The following ANKRD55 variants were observed in gnomAD, a reference collection of about 807,000 sequenced individuals.
The protein encoded by ANKRD55 is ankyrin repeat domain-containing protein 55.
A neutral mutation model predicts 60.6 loss-of-function variants in ANKRD55; 41 were observed. The ratio of observed to expected loss-of-function variants is 0.68; its 90% CI spans 0.53 to 0.88. The LOEUF (loss-of-function observed/expected upper bound fraction) is 0.88. Among genes scored for constraint, ANKRD55 ranks in the 40% least tolerant of loss-of-function variants. The pLI, the probability that ANKRD55 is intolerant of heterozygous loss-of-function variation, is 0.00. For missense variants in ANKRD55, 732 were observed against 767.6 expected (o/e 0.95, Z 0.55); for synonymous variants, 264 against 290.3 (o/e 0.91, Z 0.92).
chr5:56,233,014 C>A (rs1760297094), intron 1 of ANKRD55, 68 bp from the exon 2 acceptor site: 53 of 1,101,244 alleles, frequency 4.8e-5, no homozygotes, highest in Non-Finnish European at 7.0e-5. Context: ...CATCGTTTGC[C>A]AAGACCTCTG....
In ANKRD55 at chr5:56,206,101, G is replaced by A. The variant is rs577285238; in HGVS notation, c.59-22467C>T. 9.9e-5 allele frequency among the ~76,000 whole-genome samples: 15 copies of A among 151,144 alleles called. No homozygotes were observed. The East Asian group carries it at 1.8e-3, about 18-fold the overall frequency. ...GATGACCCTCCTACCTCAGCCTCCC[G>A]AGTAGCTGGGACTACAGATGTGCAC... On this transcript the variant is annotated intron_variant, in intron 2 of 11. Coordinates refer to ENST00000341048, the MANE Select transcript of ANKRD55 (RefSeq NM_024669.3).
At chr5:56,193,120 C>T in intron 2 of ANKRD55, 1 of 681,704 alleles carries the variant, frequency 1.5e-6, no homozygotes, top group Non-Finnish European at 2.4e-6. Context: ...CTAAAGAACA[C>T]ATTTATTTTA....
At chr5:56,107,010 TAA>T (rs371808077) in intron 10 of ANKRD55, among the ~76,000 whole-genome samples, 264 of 114,508 alleles carry the variant, frequency 2.3e-3, no homozygotes, top group African/African-American at 7.1e-3. Flanking sequence ...TATCTCTCTC[TAA>T]AAAAAAAAAA....
chr5:56,118,871 A>AAAAC (rs991644755), intron 8 of ANKRD55, among the ~76,000 whole-genome samples: 3 of 152,152 alleles, frequency 2.0e-5, no homozygotes, highest in African/African-American at 4.8e-5. Context: ...TAAAATAAGA[A>AAAAC]AAACAAACAA....
chr5:56,221,413 C>T (rs962373858), intron 2 of ANKRD55, among the ~76,000 whole-genome samples: 8 of 152,306 alleles, frequency 5.3e-5, no homozygotes, highest in South Asian at 2.1e-4. Context: ...CAGCTCCCAG[C>T]GTGAGTGACG....
Position 56,100,026 on chromosome 5 carries a change from A to G in ANKRD55, c.*157T>C, listed in dbSNP as rs547770700. 367 of 957,866 alleles carry G rather than the reference A, an allele frequency of 3.8e-4. 1 individual carries two copies. Among genetic ancestry groups the G allele is most frequent in the Non-Finnish European group, 5.4e-4 (343 of 637,956 alleles). 59.3% of individuals were successfully genotyped at this position (957,866 alleles called of 1,614,324 possible). On this transcript the variant is annotated 3_prime_UTR_variant, in exon 12 of 12. Coordinates refer to ENST00000341048, the MANE Select transcript of ANKRD55 (RefSeq NM_024669.3). Reference sequence around the variant, plus strand: ...TATTCTAAGTGCTTATTTAGGGAGTATCTTTATTTGGAATAAAGAATTTCG... The same window carrying G: ...TATTCTAAGTGCTTATTTAGGGAGTGTCTTTATTTGGAATAAAGAATTTCG...
At chr5:56,143,246 T>C (rs1217948260) in intron 7 of ANKRD55, among the ~76,000 whole-genome samples, 1 of 152,228 alleles carries the variant, frequency 6.6e-6, no homozygotes, top group Non-Finnish European at 1.5e-5. Flanking sequence ...GGTTACACAT[T>C]AGTGATTATT....
intron 8 of ANKRD55, 159 bp from the exon 9 acceptor site, chr5:56,116,941 T>C (rs1204119433): frequency 4.2e-6 from 3 of 712,584 alleles, no homozygotes; most frequent in Non-Finnish European, 6.7e-6. Context: ...GCCCGAAGGA[T>C]GATGGTGGAC....
intron 2 of ANKRD55, among the ~76,000 whole-genome samples, chr5:56,216,948 A>G (rs1759827459): frequency 6.6e-6 from 1 of 152,250 alleles, no homozygotes; most frequent in African/African-American, 2.4e-5. Context: ...TTTTCAATGT[A>G]GATAAAACAG....
intron 7 of ANKRD55, chr5:56,137,113 A>C (rs1468553712): frequency 8.4e-7 from 1 of 1,186,168 alleles, no homozygotes; most frequent in Non-Finnish European, 1.3e-6. Flanking sequence ...AAAGCCACAA[A>C]GTATCTGAAA....
chr5:56,231,653 GCACACACA>G (rs34225686), intron 2 of ANKRD55, among the ~76,000 whole-genome samples: 5,726 of 147,984 alleles, frequency 0.039, 137 homozygotes, highest in Admixed American at 0.052. Context: ...CTGAAGGCGC[GCACACACA>G]CACACACACA....
intron 2 of ANKRD55, among the ~76,000 whole-genome samples, chr5:56,227,297 T>C (rs892046498): frequency 1.5e-5 from 2 of 136,000 alleles, no homozygotes; most frequent in Admixed American, 8.4e-5. Flanking sequence ...TTGAGAACAC[T>C]TGGACACAGG....
At chr5:56,166,746 C>T (rs1758494167) in intron 5 of ANKRD55, among the ~76,000 whole-genome samples, 1 of 152,036 alleles carries the variant, frequency 6.6e-6, no homozygotes, top group Admixed American at 6.6e-5. Context: ...AAGAAACATG[C>T]TCTGAAGTCA....
intron 2 of ANKRD55, among the ~76,000 whole-genome samples, chr5:56,194,428 C>G (rs1289803301): frequency 2.0e-5 from 3 of 152,084 alleles, no homozygotes; most frequent in Non-Finnish European, 4.4e-5. Context: ...TCCAACCCCC[C>G]CAACACATAT....
intron 8 of ANKRD55, among the ~76,000 whole-genome samples, chr5:56,117,897 C>A (rs1756926461): frequency 6.6e-6 from 1 of 151,996 alleles, no homozygotes; most frequent in African/African-American, 2.4e-5. Context: ...AATTCTGGCA[C>A]TTTGGGAGGT....
Position 56,111,793 on chromosome 5 carries a change from A to G in ANKRD55, c.966-11T>C, listed in dbSNP as rs555743067. ...CGAGTAGGCTCTGTTCTATGCGAATATAAAAGAGCAGGGATGATATGTGAG... is the reference window on the plus strand; with the variant it reads ...CGAGTAGGCTCTGTTCTATGCGAATGTAAAAGAGCAGGGATGATATGTGAG... On this transcript the variant is annotated splice_polypyrimidine_tract_variant and intron_variant, in intron 9 of 11. Transcript: ENST00000341048. 6.7e-7 allele frequency: 1 copy of G among 1,484,822 alleles called. No individual in the cohort carries two copies. The highest frequency in any genetic ancestry group is 2.2e-4 in the Middle Eastern group (1 of 4,624). The allele number at this position is 1,484,822 out of a possible 1,614,324, so 92.0% of individuals were successfully genotyped here.
chr5:56,109,375 G>A lies in ANKRD55; in HGVS notation c.1630+1743C>T, dbSNP rs374581825. Among the ~76,000 whole-genome samples the A allele has an allele frequency of 7.9e-5, 12 of 152,148 alleles. No individual in the cohort carries two copies. In the South Asian group the frequency reaches 1.0e-3, roughly 13 times the overall value. ...GTGTTGCCAGATTTTCTAGTTTTTC[G>A]AGAGAAGCTAGAATTCTAGATTTTT... On this transcript the variant is annotated intron_variant, in intron 10 of 11. Coordinates refer to ENST00000341048, the MANE Select transcript of ANKRD55 (RefSeq NM_024669.3).
chr5:56,183,136 G>A (rs561361073), intron 3 of ANKRD55, among the ~76,000 whole-genome samples: 3 of 152,258 alleles, frequency 2.0e-5, no homozygotes, highest in African/African-American at 4.8e-5. Context: ...TACATATAAC[G>A]TCCAGGGTTT....
chr5:56,117,881 G>A (rs1756925852), intron 8 of ANKRD55, among the ~76,000 whole-genome samples: 3 of 152,036 alleles, frequency 2.0e-5, no homozygotes, highest in Admixed American at 2.0e-4. Context: ...AGTGGCTCAC[G>A]CCTGTAATTC....
Sources: gnomAD v4.1 joint callset for allele counts (sites outside exome capture counted in the v4.1 genomes callset) on GRCh38, gnomAD v4.1.1 for gene constraint, MANE v1.5 for transcripts, NCBI Gene and HGNC (gene_info 2026-07-23, HGNC 2026-07-21) for gene names.